Variants in DGKB observed in about 807,000 individuals in gnomAD.
DGKB encodes the protein diacylglycerol kinase beta.
In DGKB, 67 loss-of-function variants were observed where a neutral mutation model predicts 114.3. The ratio of observed to expected loss-of-function variants is 0.59; its 90% CI spans 0.48 to 0.72. The LOEUF (loss-of-function observed/expected upper bound fraction) is 0.72. DGKB is among the 30% of genes least tolerant of loss of function. DGKB has a pLI of 0.00. For synonymous variants in DGKB, 398 were observed against 323.1 expected, an observed-to-expected ratio of 1.23 and a Z score of -2.49; for missense variants, 907 against 975.2, an observed-to-expected ratio of 0.93 and a Z score of 0.93.
chr7:14,147,617 G>A lies in DGKB; in HGVS notation c.*1514C>T, dbSNP rs186761789. On this transcript the variant is annotated 3_prime_UTR_variant, in exon 26 of 26. Transcript: ENST00000402815. Reference sequence around the variant, plus strand: ...AATGAATCAATAACAAAATAGAACCGATAAATCATTAGCACTTTAATGCAG... The same window carrying A: ...AATGAATCAATAACAAAATAGAACCAATAAATCATTAGCACTTTAATGCAG... 90 of 152,448 alleles carry A rather than the reference G, an allele frequency of 5.9e-4. No individual in the cohort carries two copies. The highest frequency in any genetic ancestry group is 2.0e-3 in the African/African-American group (82 of 41,556). The allele number at this position is 152,448 out of a possible 1,614,324, so 9.4% of individuals were successfully genotyped here. A position where few individuals can be genotyped will look rare whatever the true frequency, so the allele number is the denominator to read the frequency against.
intron 9 of DGKB, among the ~76,000 whole-genome samples, chr7:14,688,090 T>A (rs1194479082): frequency 6.6e-6 from 1 of 152,232 alleles, no homozygotes; most frequent in Admixed American, 6.5e-5. Context: ...GTGCAAATTA[T>A]ACTCCAACTC....
intron 1 of DGKB, among the ~76,000 whole-genome samples, chr7:14,854,840 T>C (rs567074849): frequency 5.3e-4 from 80 of 152,250 alleles, no homozygotes; most frequent in Non-Finnish European, 2.2e-4. Flanking sequence ...GATTGATTAA[T>C]AAAATTGGTC....
chr7:14,224,297 C>A (rs945163558), intron 23 of DGKB, among the ~76,000 whole-genome samples: 1 of 151,886 alleles, frequency 6.6e-6, no homozygotes, highest in African/African-American at 2.4e-5. Context: ...ATTTTCACTT[C>A]AGTTATTTTT....
At chr7:14,285,766 A>G (rs1800774541) in intron 23 of DGKB, among the ~76,000 whole-genome samples, 1 of 152,210 alleles carries the variant, frequency 6.6e-6, no homozygotes, top group Non-Finnish European at 1.5e-5. Context: ...TAAATGATTT[A>G]GAGAAACAAA....
chr7:14,347,962 A>G (rs1812759830), intron 21 of DGKB, among the ~76,000 whole-genome samples: 1 of 152,066 alleles, frequency 6.6e-6, no homozygotes, highest in Non-Finnish European at 1.5e-5. Flanking sequence ...CGATAAATTT[A>G]GATTCACATG....
intron 23 of DGKB, among the ~76,000 whole-genome samples, chr7:14,298,479 A>G (rs1006554555): frequency 6.6e-6 from 1 of 152,144 alleles, no homozygotes; most frequent in Non-Finnish European, 1.5e-5. Context: ...TTAATATATG[A>G]TGTTGGGAAA....
intron 17 of DGKB, among the ~76,000 whole-genome samples, chr7:14,590,596 C>T (rs999186328): frequency 1.3e-5 from 2 of 152,210 alleles, no homozygotes; most frequent in South Asian, 2.1e-4. Context: ...TTTGACCTCT[C>T]TTTATCTCAA....
intron 23 of DGKB, among the ~76,000 whole-genome samples, chr7:14,212,935 T>G (rs1360311291): frequency 6.6e-6 from 1 of 151,876 alleles, no homozygotes; most frequent in Non-Finnish European, 1.5e-5. Flanking sequence ...ACTATGTACT[T>G]TATAAAAAAT....
chr7:14,918,015 A>G lies in DGKB; in HGVS notation c.-188+56681T>C, dbSNP rs567399634. On this transcript the variant is annotated intron_variant, in intron 1 of 4. Coordinates refer to the DGKB transcript ENST00000437998. ...AAAGGAGAAAAAATTATACGATCAT[A>G]TTAATTGATACCGAAAAAGCATTTG... is the stretch of plus-strand genomic sequence containing the variant. Among the ~76,000 whole-genome samples the G allele has an allele frequency of 2.6e-5, 4 of 152,266 alleles. No individual in the cohort carries two copies. In the East Asian group the frequency reaches 7.7e-4, roughly 29 times the overall value.
chr7:14,359,638 C>A (rs1382486280), intron 21 of DGKB, among the ~76,000 whole-genome samples: 1 of 152,034 alleles, frequency 6.6e-6, no homozygotes, highest in Admixed American at 6.6e-5. Context: ...GCAAACAACC[C>A]CATCAAAAAG....
At chr7:14,584,376 A>C (rs1416741937) in intron 17 of DGKB, among the ~76,000 whole-genome samples, 3 of 152,176 alleles carry the variant, frequency 2.0e-5, no homozygotes, top group South Asian at 4.1e-4. Flanking sequence ...CTAGAGAAAA[A>C]TATTCCATTA....
At chr7:14,892,242 G>T (rs941917221) in intron 1 of DGKB, among the ~76,000 whole-genome samples, 3 of 151,250 alleles carry the variant, frequency 2.0e-5, no homozygotes, top group Non-Finnish European at 3.0e-5. Flanking sequence ...ATCCAGAATG[G>T]AGGCAATGCC....
At chr7:14,830,454 G>T (rs1011368420) in intron 2 of DGKB, among the ~76,000 whole-genome samples, 1 of 152,010 alleles carries the variant, frequency 6.6e-6, no homozygotes, top group Non-Finnish European at 1.5e-5. Flanking sequence ...ATATTTAGCA[G>T]AACTTTGTAA....
intron 15 of DGKB, among the ~76,000 whole-genome samples, chr7:14,613,928 C>T (rs1806058296): frequency 6.6e-6 from 1 of 151,774 alleles, no homozygotes; most frequent in Admixed American, 6.6e-5. Flanking sequence ...CCCTTTTGGC[C>T]TAAGAGTCCT....
chr7:14,694,523 A>G (rs978476332), intron 8 of DGKB, among the ~76,000 whole-genome samples: 1 of 152,228 alleles, frequency 6.6e-6, no homozygotes, highest in Non-Finnish European at 1.5e-5. Flanking sequence ...AGATTCATAT[A>G]TATGCCAGAA....
intron 2 of DGKB, among the ~76,000 whole-genome samples, chr7:14,826,641 C>T (rs112521872): frequency 0.025 from 3,782 of 152,120 alleles, 142 homozygotes; most frequent in African/African-American, 0.086. Flanking sequence ...TGAACCATGA[C>T]CCTGTAGTTT....
At chr7:14,384,355 A>G (rs567505389) in intron 21 of DGKB, among the ~76,000 whole-genome samples, 1 of 152,312 alleles carries the variant, frequency 6.6e-6, no homozygotes, top group East Asian at 1.9e-4. Context: ...TTTTTTGTAA[A>G]TAAAGTTTTT....
intron 25 of DGKB, among the ~76,000 whole-genome samples, chr7:14,152,780 A>G (rs1448716600): frequency 1.3e-5 from 2 of 152,098 alleles, no homozygotes; most frequent in Non-Finnish European, 2.9e-5. Context: ...TTACATTTTT[A>G]AGGTTGCATA....
At chr7:14,467,152 G>C (rs1480777138) in intron 21 of DGKB, among the ~76,000 whole-genome samples, 1 of 149,888 alleles carries the variant, frequency 6.7e-6, no homozygotes. Context: ...GTTTATATAA[G>C]CTAATTGTCA....
Sources: allele counts gnomAD v4.1 joint callset (sites outside exome capture counted in the v4.1 genomes callset), GRCh38; gene constraint gnomAD v4.1.1; transcripts MANE v1.5; gene names NCBI Gene and HGNC (gene_info 2026-07-23, HGNC 2026-07-21).